Variants in LAPTM5 observed in about 807,000 individuals in gnomAD.
LAPTM5 encodes lysosomal-associated transmembrane protein 5.
LAPTM5 carries 11 observed loss-of-function variants against 30.1 expected under a neutral mutation model. That is an observed-to-expected ratio of 0.37 (90% CI 0.23 to 0.60). The LOEUF is 0.60. Among genes scored for constraint, LAPTM5 ranks in the 20% least tolerant of loss-of-function variants. The pLI is 0.71. For missense variants in LAPTM5, 324 were observed against 332.5 expected, an observed-to-expected ratio of 0.97 and a Z score of 0.20; for synonymous variants, 151 against 137.9, an observed-to-expected ratio of 1.10 and a Z score of -0.67.
At chr1:30,741,912 A>T in intron 2 of LAPTM5, 196 bp from the exon 3 acceptor site, 1 of 460,630 alleles carries the variant, frequency 2.2e-6, no homozygotes, top group Non-Finnish European at 3.9e-6. Context: ...GCACAGGAGG[A>T]TGCGACAGAG....
At chr1:30,743,047 A>T (rs1639993619) in intron 1 of LAPTM5, among the ~76,000 whole-genome samples, 1 of 152,172 alleles carries the variant, frequency 6.6e-6, no homozygotes, top group Non-Finnish European at 1.5e-5. Context: ...GGTTCCCGGA[A>T]TCATCAACAC....
At chr1:30,757,591 C>A in intron 1 of LAPTM5, 68 bp downstream of exon 1, 3 of 1,507,034 alleles carry the variant, frequency 2.0e-6, no homozygotes, top group Non-Finnish European at 2.7e-6. Context: ...CCGTAGATGA[C>A]GGGTCACCGC....
At chr1:30,736,281 C>T (rs1322862044) in intron 6 of LAPTM5, among the ~76,000 whole-genome samples, 2 of 152,066 alleles carry the variant, frequency 1.3e-5, no homozygotes, top group Non-Finnish European at 2.9e-5. Flanking sequence ...CCCAGGGCCT[C>T]AGATGGAAGC....
At chr1:30,750,581 G>T (rs886959181) in intron 1 of LAPTM5, among the ~76,000 whole-genome samples, 1 of 152,202 alleles carries the variant, frequency 6.6e-6, no homozygotes, top group African/African-American at 2.4e-5. Flanking sequence ...ATTGAAATCA[G>T]CTCTTTACAC....
chr1:30,748,013 G>A (rs916913761), intron 1 of LAPTM5, among the ~76,000 whole-genome samples: 7 of 152,208 alleles, frequency 4.6e-5, no homozygotes, highest in East Asian at 3.9e-4. Flanking sequence ...AAGAACCCCC[G>A]ATTCTGGGGT....
chr1:30,750,464 G>T (rs180697235), intron 1 of LAPTM5, among the ~76,000 whole-genome samples: 1 of 152,198 alleles, frequency 6.6e-6, no homozygotes, highest in Non-Finnish European at 1.5e-5. Flanking sequence ...TGGAACCTGC[G>T]GATAGGGAGG....
At chr1:30,753,870 C>T (rs1325248379) in intron 1 of LAPTM5, among the ~76,000 whole-genome samples, 1 of 152,234 alleles carries the variant, frequency 6.6e-6, no homozygotes, top group Non-Finnish European at 1.5e-5. Flanking sequence ...CAAGAACTAT[C>T]TGTACTGTGT....
rs1639927750 is a variant in LAPTM5, at chr1:30,738,961, G to A, written c.489C>T (p.Asn163=). 1.9e-6 allele frequency: 3 copies of A among 1,606,834 alleles called. No individual in the cohort carries two copies. The highest frequency in any genetic ancestry group is 3.4e-5 in the Admixed American group (2 of 59,298). ...TCACCATGTGGTTCATGGACTTGAA[G>A]TTGAGATAGGTGGGCACTTCCATGT... is the stretch of plus-strand genomic sequence containing the variant. ...SSYMEVPTYL[N]FKSMNHMNYL... The change falls in exon 5 of 8, where the codon AAC becomes AAT. Residue 163 remains asparagine, a synonymous_variant. Coordinates refer to ENST00000294507, the MANE Select transcript of LAPTM5 (RefSeq NM_006762.3).
chr1:30,751,732 C>T (rs532379792), intron 1 of LAPTM5, among the ~76,000 whole-genome samples: 87 of 145,408 alleles, frequency 6.0e-4, no homozygotes, highest in Middle Eastern at 3.5e-3. Flanking sequence ...GAGCAAGACT[C>T]AGTCTCAAAA....
chr1:30,743,149 G>T (rs1639994777), intron 1 of LAPTM5, among the ~76,000 whole-genome samples: 1 of 152,188 alleles, frequency 6.6e-6, no homozygotes, highest in Non-Finnish European at 1.5e-5. Flanking sequence ...ATAGGATTGT[G>T]GTGGGGCCAG....
chr1:30,750,254 C>T (rs752412840), intron 1 of LAPTM5, among the ~76,000 whole-genome samples: 1 of 152,108 alleles, frequency 6.6e-6, no homozygotes, highest in Non-Finnish European at 1.5e-5. Context: ...GGGGAAGCAC[C>T]CTCCACTCCC....
Position 30,739,928 on chromosome 1 carries a change from T to C in LAPTM5, c.268A>G (p.Lys90Glu). The C allele has an allele frequency of 6.3e-7, 1 of 1,595,116 alleles. No individual in the cohort carries two copies. The change falls in exon 4 of 8, where the codon AAG becomes GAG. Residue 90 changes from lysine (K) to glutamate (E), a missense_variant. Physicochemically the swap from Lys to Glu is moderately conservative, Grantham distance 56. Coordinates refer to ENST00000294507, the MANE Select transcript of LAPTM5 (RefSeq NM_006762.3). The surrounding 1 kb of genome is among the most constrained non-coding windows in gnomAD (Gnocchi z 4.2). ...LLIGVVKNREKYLLPFLSLQI... is the reference protein window; with the variant it reads ...LLIGVVKNREEYLLPFLSLQI... Reference sequence around the variant, plus strand: ...AGGGACAGGAAGGGCAGCAGGTACTTCTCCCGGTTCTGAAAGGTAGGCCCA... The same window carrying C: ...AGGGACAGGAAGGGCAGCAGGTACTCCTCCCGGTTCTGAAAGGTAGGCCCA...
Position 30,737,599 on chromosome 1 carries a change from C to T in LAPTM5, c.606+5G>A, listed in dbSNP as rs1190815381. The T allele has an allele frequency of 1.9e-6, 3 of 1,608,318 alleles. No homozygotes were observed. The African/African-American group carries it at 4.0e-5, about 22-fold the overall frequency. The stretch of plus-strand genomic sequence containing the variant: ...CCCAGAGCCGCAGGGCAGGGATCCA[C>T]TCACCTTGAAGATAAGGACAGTGAT... On this transcript the variant is annotated splice_donor_5th_base_variant and intron_variant, in intron 6 of 7. Transcript: ENST00000294507.
At chr1:30,752,134 C>T (rs1427553366) in intron 1 of LAPTM5, among the ~76,000 whole-genome samples, 1 of 152,202 alleles carries the variant, frequency 6.6e-6, no homozygotes, top group Non-Finnish European at 1.5e-5. Flanking sequence ...CAGACAGACA[C>T]ACCACCCCAG....
rs370275111 is a variant in LAPTM5 at position 30,735,208 on chromosome 1, C to T, written c.664G>A (p.Val222Met). ...ATCTTGGAGTTTCTCTTCTCCTCCA[C>T]CGAGTTCATGCACTTGATCAATCTG... ...CYRLIKCMNS[V>M]EEKRNSKMLQ... The change falls in exon 7 of 8, where the codon GTG becomes ATG. Residue 222 changes from valine to methionine, a missense_variant. Val to Met is a conservative substitution (Grantham distance 21). Transcript: ENST00000294507. The T allele has an allele frequency of 1.1e-5, 18 of 1,613,950 alleles. No homozygotes were observed. The highest frequency in any genetic ancestry group is 4.4e-5 in the South Asian group (4 of 91,086).
chr1:30,750,565 G>C (rs1640120418), intron 1 of LAPTM5, among the ~76,000 whole-genome samples: 1 of 152,144 alleles, frequency 6.6e-6, no homozygotes, highest in African/African-American at 2.4e-5. Context: ...TGATTTTGCA[G>C]GTAAAATTGA....
chr1:30,757,007 A>G (rs1640220565), intron 1 of LAPTM5, among the ~76,000 whole-genome samples: 1 of 152,240 alleles, frequency 6.6e-6, no homozygotes, highest in Non-Finnish European at 1.5e-5. Flanking sequence ...CCGTGACTTC[A>G]CAAGTTGCCC....
chr1:30,745,437 C>T (rs1368029451), intron 1 of LAPTM5, among the ~76,000 whole-genome samples: 2 of 152,140 alleles, frequency 1.3e-5, no homozygotes, highest in Admixed American at 1.3e-4. Flanking sequence ...GCAGTCCCCC[C>T]TCCCTCCCCT....
At chr1:30,751,323 CCT>C (rs1486304132) in intron 1 of LAPTM5, among the ~76,000 whole-genome samples, 1 of 152,244 alleles carries the variant, frequency 6.6e-6, no homozygotes, top group Non-Finnish European at 1.5e-5. Context: ...GAGAACGTGG[CCT>C]CTCTGTCCAG....
Sources: allele counts gnomAD v4.1 joint callset (sites outside exome capture counted in the v4.1 genomes callset), GRCh38; gene constraint gnomAD v4.1.1; non-coding constraint Gnocchi (gnomAD v3.1); transcripts MANE v1.5; gene names NCBI Gene and HGNC (gene_info 2026-07-23, HGNC 2026-07-21).